The following CDH4 variants were observed in gnomAD, a reference collection of about 807,000 sequenced individuals.
CDH4 encodes the protein cadherin 4.
CDH4 carries 33 observed loss-of-function variants against 86.0 expected under a neutral mutation model. The observed-to-expected ratio is 0.38, with a 90% confidence interval of 0.29 to 0.51. CDH4 has a LOEUF of 0.51. CDH4 is among the 20% of genes least tolerant of loss of function. The probability of loss-of-function intolerance (pLI) is 0.86; values close to 1 mark genes in which losing one functional copy is unlikely to be tolerated. For missense variants in CDH4, 1,114 were observed against 1,307.4 expected, an observed-to-expected ratio of 0.85 and a Z score of 2.28; for synonymous variants, 555 against 549.4, an observed-to-expected ratio of 1.01 and a Z score of -0.14.
chr20:61,564,074 A>T lies in CDH4; in HGVS notation c.170-179489A>T, dbSNP rs375269829. ...TCACTGCCCTCAGTCTCCTGTGAGG[A>T]CAGCGTTTGTGTTTCTCTCAGTCTC... On this transcript the variant is annotated intron_variant, in intron 2 of 15. Transcript: ENST00000614565. Among the ~76,000 whole-genome samples, 55 of 152,124 alleles carry T rather than the reference A, an allele frequency of 3.6e-4. No individual in the cohort carries two copies. In the South Asian group the frequency reaches 0.01, roughly 29 times the overall value.
At chr20:61,504,970 G>A (rs370548194) in intron 2 of CDH4, among the ~76,000 whole-genome samples, 14 of 152,178 alleles carry the variant, frequency 9.2e-5, no homozygotes, top group Admixed American at 2.6e-4. Context: ...CACTCAAAGC[G>A]CTGCAAATGT....
chr20:61,291,622 G>A (rs947427981), intron 2 of CDH4, among the ~76,000 whole-genome samples: 35 of 152,232 alleles, frequency 2.3e-4, no homozygotes, highest in Non-Finnish European at 4.4e-4. Flanking sequence ...TCCTCCCTAA[G>A]GCAGTGTGCC....
chr20:61,489,280 ACCCAGGCACAGC>A (rs1268383290), intron 2 of CDH4, among the ~76,000 whole-genome samples: 1 of 152,226 alleles, frequency 6.6e-6, no homozygotes, highest in African/African-American at 2.4e-5. Context: ...CCAGGTTCAG[ACCCAGGCACAGC>A]CCAGTGACTA....
chr20:61,682,477 A>T (rs1297577005), intron 2 of CDH4, among the ~76,000 whole-genome samples: 1 of 150,292 alleles, frequency 6.7e-6, no homozygotes, highest in Non-Finnish European at 1.5e-5. Context: ...GGATGGATGG[A>T]CAGATGGATG....
intron 2 of CDH4, among the ~76,000 whole-genome samples, chr20:61,564,034 A>G (rs1013748390): frequency 2.0e-5 from 3 of 151,582 alleles, no homozygotes; most frequent in East Asian, 3.9e-4. Flanking sequence ...CCCTCAATGC[A>G]CCTCCTCTCT....
chr20:61,600,238 C>T (rs1022750671), intron 2 of CDH4, among the ~76,000 whole-genome samples: 1 of 152,226 alleles, frequency 6.6e-6, no homozygotes, highest in Non-Finnish European at 1.5e-5. Flanking sequence ...GTTATGGAGA[C>T]AGAGGGTGTC....
intron 2 of CDH4, among the ~76,000 whole-genome samples, chr20:61,474,107 A>G (rs2085521321): frequency 6.8e-6 from 1 of 148,052 alleles, no homozygotes; most frequent in African/African-American, 2.5e-5. Context: ...TCTGGATTTT[A>G]GAAAACATCC....
At chr20:61,876,213 G>A (rs940758558) in intron 7 of CDH4, among the ~76,000 whole-genome samples, 2 of 152,212 alleles carry the variant, frequency 1.3e-5, no homozygotes, top group Non-Finnish European at 2.9e-5. Context: ...CAGGGTCAGG[G>A]GTTACCTAGA....
chr20:61,875,930 C>T (rs1026823235), intron 7 of CDH4, among the ~76,000 whole-genome samples: 1 of 114,178 alleles, frequency 8.8e-6, no homozygotes, highest in African/African-American at 3.3e-5. Context: ...CCTGTTTGCG[C>T]TCCCCCAACA....
chr20:61,639,242 C>T (rs2086980075), intron 2 of CDH4, among the ~76,000 whole-genome samples: 2 of 152,146 alleles, frequency 1.3e-5, no homozygotes. Context: ...GTAATCTGTG[C>T]AATTATAGTC....
intron 2 of CDH4, among the ~76,000 whole-genome samples, chr20:61,614,495 G>C (rs965426562): frequency 6.6e-6 from 1 of 152,200 alleles, no homozygotes; most frequent in Admixed American, 6.5e-5. Flanking sequence ...CCTGGGAACC[G>C]TCAGTCAGAA....
chr20:61,323,527 G>A (rs1335573468), intron 2 of CDH4, among the ~76,000 whole-genome samples: 3 of 152,172 alleles, frequency 2.0e-5, no homozygotes, highest in African/African-American at 4.8e-5. Flanking sequence ...ACCTGACGTC[G>A]GAGCCAGTGA....
At chr20:61,710,832 A>G (rs1386079876) in intron 2 of CDH4, among the ~76,000 whole-genome samples, 1 of 152,238 alleles carries the variant, frequency 6.6e-6, no homozygotes, top group Non-Finnish European at 1.5e-5. Context: ...AAGTGCCGAG[A>G]GACCATGCAG....
intron 2 of CDH4, among the ~76,000 whole-genome samples, chr20:61,618,387 G>A (rs562718663): frequency 2.0e-5 from 3 of 152,172 alleles, no homozygotes; most frequent in Non-Finnish European, 4.4e-5. Flanking sequence ...TCAGCTGGCT[G>A]AGGGGATTTT....
chr20:61,840,942 T>C (rs1245720719), intron 4 of CDH4, among the ~76,000 whole-genome samples: 1 of 152,260 alleles, frequency 6.6e-6, no homozygotes, highest in Non-Finnish European at 1.5e-5. Context: ...CGTAATGAGC[T>C]TTCCTTGAAA....
chr20:61,730,811 G>T (rs968299256), intron 2 of CDH4, among the ~76,000 whole-genome samples: 14 of 151,900 alleles, frequency 9.2e-5, no homozygotes, highest in African/African-American at 3.1e-4. Flanking sequence ...AGATCTACTT[G>T]CTCTGTGAGG....
chr20:61,520,522 G>C (rs2085860914), intron 2 of CDH4, among the ~76,000 whole-genome samples: 1 of 152,220 alleles, frequency 6.6e-6, no homozygotes. Flanking sequence ...CCAGCGCTTA[G>C]CACGGAGTGA....
intron 2 of CDH4, among the ~76,000 whole-genome samples, chr20:61,630,958 G>C (rs1048647526): frequency 1.3e-5 from 2 of 152,250 alleles, no homozygotes; most frequent in African/African-American, 4.8e-5. Flanking sequence ...AGGTAAGAAG[G>C]AAGTGAGCAG....
At chr20:61,848,086 T>C (rs1396346893) in intron 5 of CDH4, among the ~76,000 whole-genome samples, 1 of 152,260 alleles carries the variant, frequency 6.6e-6, no homozygotes, top group African/African-American at 2.4e-5. Context: ...CCAGGAAAGG[T>C]GCAGTGCCTC....
Sources: allele counts gnomAD v4.1 joint callset (sites outside exome capture counted in the v4.1 genomes callset), GRCh38; gene constraint gnomAD v4.1.1; transcripts MANE v1.5; gene names NCBI Gene and HGNC (gene_info 2026-07-23, HGNC 2026-07-21).